Variants in GMPR observed in about 807,000 individuals in gnomAD.
GMPR encodes the protein GMP reductase 1.
Under a neutral mutation model 38.4 loss-of-function variants are expected in GMPR, and 31 were observed. That is an observed-to-expected ratio of 0.81 (90% CI 0.61 to 1.09). GMPR has a LOEUF of 1.09. GMPR is among the 50% of genes least tolerant of loss of function. GMPR has a pLI of 0.00. For synonymous variants in GMPR, 162 were observed against 173.3 expected (o/e 0.93, Z 0.51); for missense variants, 468 against 453.7 (o/e 1.03, Z -0.29).
intron 5 of GMPR, among the ~76,000 whole-genome samples, chr6:16,275,323 C>A (rs1195697081): frequency 1.3e-5 from 2 of 152,056 alleles, no homozygotes; most frequent in African/African-American, 4.8e-5. Flanking sequence ...AGGAAGCAAA[C>A]CTAAACCAAT....
chr6:16,246,592 A>C (rs1758759427), intron 1 of GMPR, among the ~76,000 whole-genome samples: 1 of 152,002 alleles, frequency 6.6e-6, no homozygotes, highest in Non-Finnish European at 1.5e-5. Context: ...GTCTTTAGGG[A>C]AGTGGATAGA....
chr6:16,243,990 CTG>C (rs1204590476), intron 1 of GMPR, among the ~76,000 whole-genome samples: 1 of 152,116 alleles, frequency 6.6e-6, no homozygotes, highest in East Asian at 1.9e-4. Flanking sequence ...GCCTTTTCCT[CTG>C]TGCACACATA....
intron 4 of GMPR, among the ~76,000 whole-genome samples, chr6:16,260,421 G>T (rs993309785): frequency 6.6e-6 from 1 of 151,982 alleles, no homozygotes; most frequent in Non-Finnish European, 1.5e-5. Context: ...TGTAGGAAAG[G>T]CCTGTACTTA....
chr6:16,282,490 C>T (rs1759592331), intron 6 of GMPR, among the ~76,000 whole-genome samples: 1 of 152,106 alleles, frequency 6.6e-6, no homozygotes, highest in South Asian at 2.1e-4. Context: ...CTTAAGATAA[C>T]CACTGGTTCT....
chr6:16,247,432 T>A (rs1758780560), intron 2 of GMPR, among the ~76,000 whole-genome samples: 1 of 151,774 alleles, frequency 6.6e-6, no homozygotes, highest in Admixed American at 6.6e-5. Context: ...TGGAGTACAG[T>A]GACGTGATCT....
chr6:16,286,775 G>A (rs1000879502), intron 7 of GMPR, among the ~76,000 whole-genome samples: 11 of 151,806 alleles, frequency 7.2e-5, no homozygotes, highest in African/African-American at 2.7e-4. Context: ...GTGTGGTGGT[G>A]CACGCCTGTA....
chr6:16,289,233 C>A (rs973458786), intron 7 of GMPR, among the ~76,000 whole-genome samples: 3 of 152,176 alleles, frequency 2.0e-5, no homozygotes, highest in Non-Finnish European at 2.9e-5. Flanking sequence ...GCCGCGCCAC[C>A]TTATAGAGCT....
chr6:16,283,925 C>T (rs527835207), intron 6 of GMPR, among the ~76,000 whole-genome samples: 9 of 152,030 alleles, frequency 5.9e-5, no homozygotes, highest in Non-Finnish European at 1.0e-4. Context: ...GCAGGGCAAG[C>T]GAAGGGCATT....
intron 4 of GMPR, among the ~76,000 whole-genome samples, chr6:16,256,623 C>T (rs1758984194): frequency 6.6e-6 from 1 of 151,150 alleles, no homozygotes; most frequent in Admixed American, 6.6e-5. Context: ...TCACTTTGTT[C>T]TCTGTAATAG....
Position 16,290,639 on chromosome 6 carries a change from G to C in GMPR, c.857+18G>C. 6.2e-7 allele frequency: 1 copy of C among 1,608,800 alleles called. No individual in the cohort carries two copies. The highest frequency in any genetic ancestry group is 8.5e-7 in the Non-Finnish European group (1 of 1,175,606). Reference sequence around the variant, plus strand: ...GAGTACAGGTGAGGAGGTGACCCCGGGGCGCACCCTCGAGGCCTGGCCTTG... The same window carrying C: ...GAGTACAGGTGAGGAGGTGACCCCGCGGCGCACCCTCGAGGCCTGGCCTTG... On this transcript the variant is annotated intron_variant, in intron 8 of 8. Coordinates refer to ENST00000259727, the MANE Select transcript of GMPR (RefSeq NM_006877.4).
At chr6:16,253,529 C>G (rs1017012813) in intron 3 of GMPR, among the ~76,000 whole-genome samples, 1 of 152,026 alleles carries the variant, frequency 6.6e-6, no homozygotes, top group East Asian at 1.9e-4. Flanking sequence ...GAACTCAGAC[C>G]GAGAGATCAC....
At chr6:16,266,796 A>C (rs937267147) in intron 4 of GMPR, among the ~76,000 whole-genome samples, 1 of 147,410 alleles carries the variant, frequency 6.8e-6, no homozygotes, top group Admixed American at 6.7e-5. Flanking sequence ...CTCAAAAAAC[A>C]AACAAACAAA....
At chr6:16,288,439 C>T (rs1005447403) in intron 7 of GMPR, among the ~76,000 whole-genome samples, 33 of 152,326 alleles carry the variant, frequency 2.2e-4, no homozygotes, top group African/African-American at 6.7e-4. Context: ...TCCAGCAGTG[C>T]CAGCCCACTG....
At chr6:16,288,387 C>T (rs1199628067) in intron 7 of GMPR, among the ~76,000 whole-genome samples, 1 of 152,210 alleles carries the variant, frequency 6.6e-6, no homozygotes, top group African/African-American at 2.4e-5. Flanking sequence ...CAATGAGAGG[C>T]TTAGCACCCG....
At chr6:16,265,824 A>G (rs770038322) in intron 4 of GMPR, among the ~76,000 whole-genome samples, 3 of 151,262 alleles carry the variant, frequency 2.0e-5, no homozygotes, top group Non-Finnish European at 2.9e-5. Context: ...CTTCCACGCC[A>G]TGGAGGTTTT....
intron 7 of GMPR, 139 bp from the exon 8 acceptor site, chr6:16,290,323 G>A (rs1007861396): frequency 2.4e-5 from 18 of 751,340 alleles, no homozygotes; most frequent in African/African-American, 3.5e-5. Context: ...GGAGACAGGC[G>A]AGAGAGGTCC....
In GMPR at chr6:16,238,688, T is replaced by G. The variant is rs764531027; in HGVS notation, c.-6T>G. 1 of 1,383,294 alleles carries G rather than the reference T, an allele frequency of 7.2e-7. No homozygotes were observed. Among genetic ancestry groups the G allele is most frequent in the African/African-American group, 1.5e-5 (1 of 67,090 alleles). The allele number at this position is 1,383,294 out of a possible 1,614,324, so 85.7% of individuals were successfully genotyped here. On this transcript the variant is annotated 5_prime_UTR_variant, in exon 1 of 9. Transcript: ENST00000259727. ...CGCCGCCGCCGCAGCCAGGAGCCGC[T>G]GCACCATGCCCCGCATAGATGCGGA...
chr6:16,244,572 TAGAG>T (rs1172745272), intron 1 of GMPR, among the ~76,000 whole-genome samples: 1 of 152,036 alleles, frequency 6.6e-6, no homozygotes, highest in Non-Finnish European at 1.5e-5. Flanking sequence ...GAAGGCCTGT[TAGAG>T]AGCAGCAGAG....
chr6:16,240,756 G>T (rs956277244), intron 1 of GMPR, among the ~76,000 whole-genome samples: 21 of 152,190 alleles, frequency 1.4e-4, no homozygotes, highest in Admixed American at 8.5e-4. Context: ...TTCCAGTTTG[G>T]GATAGCATCT....
Sources: gnomAD v4.1 joint callset for allele counts (sites outside exome capture counted in the v4.1 genomes callset) on GRCh38, gnomAD v4.1.1 for gene constraint, MANE v1.5 for transcripts, NCBI Gene and HGNC (gene_info 2026-07-23, HGNC 2026-07-21) for gene names.